Variants in ESRRG observed in about 807,000 individuals in gnomAD.
The protein encoded by ESRRG is estrogen related receptor gamma.
A neutral mutation model predicts 44.0 loss-of-function variants in ESRRG; 13 were observed. The ratio of observed to expected loss-of-function variants is 0.30; its 90% confidence interval spans 0.19 to 0.47. The LOEUF (loss-of-function observed/expected upper bound fraction) is 0.47, where lower values mean the gene tolerates loss of function less well. Ranked by LOEUF, ESRRG falls within the 20% of genes least tolerant of loss-of-function variation. The pLI, the probability that ESRRG is intolerant of heterozygous loss-of-function variation, is 1.00. For missense variants in ESRRG, 395 were observed against 580.6 expected (o/e 0.68, Z 3.29); for synonymous variants, 215 against 214.6 (o/e 1.00, Z -0.02).
chr1:216,856,558 AGT>A (rs2095945106), intron 2 of ESRRG, among the ~76,000 whole-genome samples: 1 of 152,234 alleles, frequency 6.6e-6, no homozygotes, highest in Admixed American at 6.5e-5. Flanking sequence ...CCTTATTGAA[AGT>A]GGTGATATTT....
intron 2 of ESRRG, among the ~76,000 whole-genome samples, chr1:216,793,513 C>A (rs538529391): frequency 4.6e-4 from 70 of 152,272 alleles, no homozygotes; most frequent in African/African-American, 1.6e-3. Context: ...GCTACAGCCA[C>A]ATGAGGGAGC....
chr1:216,520,548 C>T (rs976640066), intron 5 of ESRRG, among the ~76,000 whole-genome samples: 52 of 152,106 alleles, frequency 3.4e-4, no homozygotes, highest in Non-Finnish European at 2.8e-4. Flanking sequence ...ATCAGAGGGA[C>T]TAGATCTGTA....
intron 2 of ESRRG, among the ~76,000 whole-genome samples, chr1:216,871,469 A>T (rs1246596997): frequency 6.6e-6 from 1 of 152,006 alleles, no homozygotes; most frequent in Non-Finnish European, 1.5e-5. Flanking sequence ...GGAGTGCTCT[A>T]AAAATATCAA....
chr1:216,953,203 A>C (rs2067279722), intron 1 of ESRRG, among the ~76,000 whole-genome samples: 1 of 152,150 alleles, frequency 6.6e-6, no homozygotes, highest in African/African-American at 2.4e-5. Context: ...TTCACACTAA[A>C]GGCATGGCAA....
At chr1:216,847,614 T>G (rs2095774808) in intron 2 of ESRRG, among the ~76,000 whole-genome samples, 1 of 152,128 alleles carries the variant, frequency 6.6e-6, no homozygotes, top group African/African-American at 2.4e-5. Flanking sequence ...CAGGCTCCTG[T>G]GTCAGCAGAG....
intron 1 of ESRRG, among the ~76,000 whole-genome samples, chr1:216,690,059 T>C (rs895649957): frequency 1.3e-5 from 2 of 152,042 alleles, no homozygotes; most frequent in African/African-American, 4.8e-5. Flanking sequence ...AAGTTTCTAA[T>C]AAAGTTAAAT....
At chr1:216,723,438 T>C, upstream of ESRRG, 1 of 740,998 alleles carries the variant, frequency 1.3e-6, no homozygotes, top group Non-Finnish European at 2.3e-6. Flanking sequence ...TCTCACACTC[T>C]CCTAATCAAG....
At chr1:216,667,144 T>C (rs1398085345) in intron 2 of ESRRG, among the ~76,000 whole-genome samples, 4 of 152,180 alleles carry the variant, frequency 2.6e-5, no homozygotes, top group African/African-American at 7.2e-5. Context: ...CGCTACTCCG[T>C]CCGAGGACAC....
In ESRRG at chr1:216,945,280, T is replaced by A. The variant is rs568121502; in HGVS notation, c.-105-5607A>T. On this transcript the variant is annotated intron_variant, in intron 1 of 7. Transcript: ENST00000359162. ...ATGTGGGAAGGAAGGAGGCATTTGC[T>A]CAATCAGTACCTATTTTCAGAATTT... Among the ~76,000 whole-genome samples, 164 of 152,228 alleles carry A rather than the reference T, an allele frequency of 1.1e-3. 1 individual carries two copies. Among genetic ancestry groups the A allele is most frequent in the African/African-American group, 3.8e-3 (157 of 41,546 alleles).
chr1:216,568,757 A>G (rs1025534587), intron 3 of ESRRG, among the ~76,000 whole-genome samples: 1 of 152,174 alleles, frequency 6.6e-6, no homozygotes, highest in African/African-American at 2.4e-5. Flanking sequence ...ACAGGATAGA[A>G]AGGGGAGCTT....
intron 3 of ESRRG, among the ~76,000 whole-genome samples, chr1:216,640,258 A>G (rs1409705200): frequency 6.6e-6 from 1 of 152,156 alleles, no homozygotes; most frequent in Admixed American, 6.5e-5. Flanking sequence ...ACTCCCCACT[A>G]GTACCATCAG....
chr1:216,694,163 C>T (rs556973250), intron 1 of ESRRG, among the ~76,000 whole-genome samples: 9 of 152,074 alleles, frequency 5.9e-5, no homozygotes, highest in African/African-American at 2.2e-4. Flanking sequence ...GACTTGGTTG[C>T]TAAAGCTGTT....
At chr1:216,672,666 GA>G (rs1162694479) in intron 2 of ESRRG, among the ~76,000 whole-genome samples, 1 of 152,104 alleles carries the variant, frequency 6.6e-6, no homozygotes, top group Non-Finnish European at 1.5e-5. Context: ...CTAGGAGTTT[GA>G]GACCAGCCTG....
Position 216,507,165 on chromosome 1 carries a change from T to G in ESRRG, c.1151A>C (p.Asp384Ala). ...LANSDSMHIE[D>A]VEAVQKLQDV... ...CTGAAGCTTCTGAACGGCTTCAACA[T>G]CTTCTATGTGCATGGAGTCTGTGCA... Residue 384 changes from aspartate (D) to alanine (A), a missense_variant, in exon 7 of 7, where the codon GAT becomes GCT. Asp to Ala is a moderately radical substitution (Grantham distance 126). Coordinates refer to ENST00000408911, the MANE Select transcript of ESRRG (RefSeq NM_001438.4). 1 of 1,611,604 alleles carries G rather than the reference T, an allele frequency of 6.2e-7. No homozygotes were observed. Among genetic ancestry groups the G allele is most frequent in the African/African-American group, 1.3e-5 (1 of 74,964 alleles).
At chr1:217,056,231 G>A (rs11572407) in intron 1 of ESRRG, among the ~76,000 whole-genome samples, 3,939 of 152,138 alleles carry the variant, frequency 0.026, 158 homozygotes, top group African/African-American at 0.089. Context: ...AGACTGTGGC[G>A]TAAGTGAGAA....
rs575398082 is a variant in ESRRG at position 216,526,852 on chromosome 1, C to T, written c.863-7431G>A. Among the ~76,000 whole-genome samples, 275 of 152,224 alleles carry T rather than the reference C, an allele frequency of 1.8e-3. 2 individuals are homozygous for T. Among genetic ancestry groups the T allele is most frequent in the Middle Eastern group, 0.01 (3 of 294 alleles). The stretch of plus-strand genomic sequence containing the variant: ...CTAGAATTGGGTGCCATCTCTGCCA[C>T]CAAAGAACTGTGAAACACTGAGGAA... On this transcript the variant is annotated intron_variant, in intron 5 of 6. Coordinates refer to ENST00000408911, the MANE Select transcript of ESRRG (RefSeq NM_001438.4).
At chr1:216,595,107 G>T (rs938039259) in intron 3 of ESRRG, among the ~76,000 whole-genome samples, 1 of 152,064 alleles carries the variant, frequency 6.6e-6, no homozygotes, top group African/African-American at 2.4e-5. Flanking sequence ...AAGAGGACAG[G>T]GACTTTCTTT....
intron 2 of ESRRG, among the ~76,000 whole-genome samples, chr1:216,829,108 T>C (rs1247684794): frequency 1.3e-5 from 2 of 152,224 alleles, no homozygotes; most frequent in Non-Finnish European, 2.9e-5. Context: ...ATGAATCGTA[T>C]TGATAGAATG....
At chr1:216,705,775 T>G (rs1450164821) in intron 1 of ESRRG, among the ~76,000 whole-genome samples, 1 of 152,212 alleles carries the variant, frequency 6.6e-6, no homozygotes, top group African/African-American at 2.4e-5. Flanking sequence ...TAATTCACAC[T>G]GCCTGCTTTT....
Sources: allele counts gnomAD v4.1 joint callset (sites outside exome capture counted in the v4.1 genomes callset), GRCh38; gene constraint gnomAD v4.1.1; transcripts MANE v1.5; gene names NCBI Gene and HGNC (gene_info 2026-07-23, HGNC 2026-07-21).